Variants in LTBP1 observed in about 807,000 individuals in gnomAD.
The protein encoded by LTBP1 is latent-transforming growth factor beta-binding protein 1.
In LTBP1, 129 loss-of-function variants were observed where a neutral mutation model predicts 207.6. The ratio of observed to expected loss-of-function variants is 0.62; its 90% CI spans 0.54 to 0.72. LTBP1 has a LOEUF of 0.72. LTBP1 is among the 30% of genes least tolerant of loss of function. The probability of loss-of-function intolerance (pLI) is 0.00; values close to 1 mark genes in which losing one functional copy is unlikely to be tolerated. For missense variants in LTBP1, 2,281 were observed against 2,217.2 expected (o/e 1.03, Z -0.58); for synonymous variants, 963 against 833.7 (o/e 1.16, Z -2.67).
At chr2:33,380,470 G>A (rs889459230) in intron 31 of LTBP1, among the ~76,000 whole-genome samples, 9 of 151,432 alleles carry the variant, frequency 5.9e-5, no homozygotes, top group African/African-American at 2.2e-4. Flanking sequence ...CACGCCTTCT[G>A]AGGCAGGAGA....
intron 7 of LTBP1, among the ~76,000 whole-genome samples, chr2:33,206,781 T>C (rs2089917434): frequency 6.6e-6 from 1 of 151,868 alleles, no homozygotes; most frequent in Non-Finnish European, 1.5e-5. Flanking sequence ...TAGGCATTTA[T>C]GTTCATCATT....
chr2:32,970,154 C>T (rs1680640994), intron 2 of LTBP1, among the ~76,000 whole-genome samples: 1 of 152,166 alleles, frequency 6.6e-6, no homozygotes, highest in Non-Finnish European at 1.5e-5. Context: ...CTTGTAAATT[C>T]TGGATACTAG....
intron 3 of LTBP1, among the ~76,000 whole-genome samples, chr2:33,044,793 A>G (rs1399581408): frequency 6.6e-6 from 1 of 152,064 alleles, no homozygotes; most frequent in African/African-American, 2.4e-5. Context: ...TGAGTTTTTA[A>G]TGATTGCCAT....
intron 19 of LTBP1, among the ~76,000 whole-genome samples, chr2:33,289,320 G>T (rs1001035162): frequency 1.3e-5 from 2 of 152,152 alleles, no homozygotes; most frequent in African/African-American, 4.8e-5. Flanking sequence ...TGTCTCAAAA[G>T]CCCATTGGTA....
chr2:33,222,797 A>G (rs546811511), intron 9 of LTBP1, among the ~76,000 whole-genome samples: 1 of 152,344 alleles, frequency 6.6e-6, no homozygotes, highest in Admixed American at 6.5e-5. Context: ...TTGTGGCAGC[A>G]TAGAGCTGAG....
At chr2:33,324,028 A>C (rs1191444199) in intron 24 of LTBP1, among the ~76,000 whole-genome samples, 1 of 151,920 alleles carries the variant, frequency 6.6e-6, no homozygotes, top group East Asian at 1.9e-4. Context: ...CATGGAGTTG[A>C]TGTGTGTTGG....
At chr2:33,203,585 T>C (rs544354600) in intron 7 of LTBP1, among the ~76,000 whole-genome samples, 12 of 152,278 alleles carry the variant, frequency 7.9e-5, no homozygotes, top group African/African-American at 2.4e-4. Context: ...GAGAAGCAAG[T>C]ATGTGTTTCT....
chr2:33,186,829 C>T, intron 5 of LTBP1, 27 bp from the exon 6 acceptor site: 1 of 1,579,920 alleles, frequency 6.3e-7, no homozygotes, highest in Non-Finnish European at 8.7e-7. Context: ...CTAACCAACT[C>T]TCCATGTTTT....
At chr2:33,141,233 TA>T (rs2082625281) in intron 5 of LTBP1, among the ~76,000 whole-genome samples, 1 of 152,162 alleles carries the variant, frequency 6.6e-6, no homozygotes, top group Non-Finnish European at 1.5e-5. Flanking sequence ...ATGAGATGCC[TA>T]AAGTAGTCAA....
chr2:33,325,235 T>C (rs921929377), intron 24 of LTBP1, among the ~76,000 whole-genome samples: 16 of 152,208 alleles, frequency 1.1e-4, no homozygotes, highest in African/African-American at 3.6e-4. Flanking sequence ...GGAGCTCTTA[T>C]TTCTAGAGGT....
rs2084407778 is a variant in LTBP1 at position 33,160,912 on chromosome 2, T to C, written c.1202-25944T>C. Among the ~76,000 whole-genome samples the C allele has an allele frequency of 2.0e-5, 3 of 152,210 alleles. No individual in the cohort carries two copies. In the South Asian group the frequency reaches 6.2e-4, roughly 32 times the overall value. ...AGTGCAGCACCTACCCTATAGGTGC[T>C]GCTGTCATGGTTGTTGCCAGCAGTC... On this transcript the variant is annotated intron_variant, in intron 5 of 33. Coordinates refer to ENST00000404816, the MANE Select transcript of LTBP1 (RefSeq NM_206943.4).
intron 11 of LTBP1, among the ~76,000 whole-genome samples, chr2:33,256,261 T>C (rs1174673750): frequency 6.6e-6 from 1 of 152,082 alleles, no homozygotes; most frequent in African/African-American, 2.4e-5. Flanking sequence ...TTCCCTTCTT[T>C]CTTGATTTCT....
intron 7 of LTBP1, among the ~76,000 whole-genome samples, chr2:33,197,088 A>G (rs1173598732): frequency 2.6e-5 from 4 of 152,248 alleles, no homozygotes; most frequent in Non-Finnish European, 5.9e-5. Flanking sequence ...AGTTCTAAAA[A>G]TATGTTTAAC....
chr2:33,289,264 C>T (rs183087768), intron 19 of LTBP1, among the ~76,000 whole-genome samples: 41 of 152,326 alleles, frequency 2.7e-4, no homozygotes, highest in African/African-American at 9.4e-4. Context: ...GTTTCTTACC[C>T]TGGGAGGTTT....
chr2:33,231,907 T>A (rs903729512), intron 9 of LTBP1, among the ~76,000 whole-genome samples: 14 of 152,226 alleles, frequency 9.2e-5, no homozygotes, highest in African/African-American at 3.4e-4. Context: ...TTATAACATT[T>A]GTTAAAGAAC....
intron 7 of LTBP1, among the ~76,000 whole-genome samples, chr2:33,199,070 A>G (rs1173983467): frequency 6.6e-6 from 1 of 151,872 alleles, no homozygotes; most frequent in Non-Finnish European, 1.5e-5. Context: ...ACTGCTTCGA[A>G]TGTGTCCCAG....
intron 5 of LTBP1, among the ~76,000 whole-genome samples, chr2:33,140,070 A>T (rs1252504082): frequency 6.6e-6 from 1 of 151,942 alleles, no homozygotes; most frequent in Non-Finnish European, 1.5e-5. Context: ...ATGAATGACA[A>T]CCTCTGGCAT....
chr2:33,197,742 G>C (rs756177485), intron 7 of LTBP1, among the ~76,000 whole-genome samples: 1 of 152,054 alleles, frequency 6.6e-6, no homozygotes, highest in Non-Finnish European at 1.5e-5. Context: ...GCCTTCTATG[G>C]GAAGCATTTA....
intron 15 of LTBP1, among the ~76,000 whole-genome samples, chr2:33,270,181 A>T (rs1336217674): frequency 6.6e-6 from 1 of 151,774 alleles, no homozygotes; most frequent in African/African-American, 2.4e-5. Flanking sequence ...CGGCCTCCCA[A>T]AGTGCTGGGA....
Sources: allele counts gnomAD v4.1 joint callset (sites outside exome capture counted in the v4.1 genomes callset), GRCh38; gene constraint gnomAD v4.1.1; transcripts MANE v1.5; gene names NCBI Gene and HGNC (gene_info 2026-07-23, HGNC 2026-07-21).